Variants in AP2B1 observed in about 807,000 individuals in gnomAD.
AP2B1 encodes the protein adaptor related protein complex 2 subunit beta 1, also known as AP-2 complex subunit beta.
AP2B1 carries 23 observed loss-of-function variants against 102.0 expected under a neutral mutation model. The observed-to-expected ratio is 0.23, with a 90% CI of 0.16 to 0.32. The LOEUF (loss-of-function observed/expected upper bound fraction) is 0.32, where lower values mean the gene tolerates loss of function less well. Among genes scored for constraint, AP2B1 ranks in the 10% least tolerant of loss-of-function variants. AP2B1 has a pLI of 1.00. For synonymous variants in AP2B1, 381 were observed against 421.2 expected (o/e 0.90, Z 1.17); for missense variants, 541 against 1,157.4 (o/e 0.47, Z 7.73).
At chr17:35,604,332 C>T (rs2073590566) in intron 3 of AP2B1, among the ~76,000 whole-genome samples, 2 of 152,106 alleles carry the variant, frequency 1.3e-5, no homozygotes, top group Non-Finnish European at 2.9e-5. Context: ...TGGTCTCACA[C>T]TCCTAGGCTC....
rs2075556213 is a variant in AP2B1 at position 35,670,147 on chromosome 17, C to T, written c.1990-710C>T. On this transcript the variant is annotated intron_variant, in intron 14 of 21. Transcript: ENST00000610402. ...GTTAGTCTGATTCTCTAATGCGTAA[C>T]ATCCTTTTTAAATGATCTCCAAATA... Among the ~76,000 whole-genome samples, 6 of 152,308 alleles carry T rather than the reference C, an allele frequency of 3.9e-5. No individual in the cohort carries two copies. In the South Asian group the frequency reaches 1.2e-3, roughly 32 times the overall value.
chr17:35,594,114 T>C (rs1363471122), intron 2 of AP2B1, 47 bp downstream of exon 2: 4 of 1,366,790 alleles, frequency 2.9e-6, no homozygotes. Flanking sequence ...TCAAAAGTTG[T>C]AGTGTAAGAT....
chr17:35,621,131 A>T (rs2074164295), intron 5 of AP2B1: 1 of 171,752 alleles, frequency 5.8e-6, no homozygotes, highest in South Asian at 1.9e-4. Flanking sequence ...TATTATTTTA[A>T]AAGTTTATTT....
At chr17:35,646,765 C>G (rs1284768563) in intron 12 of AP2B1, among the ~76,000 whole-genome samples, 1 of 151,310 alleles carries the variant, frequency 6.6e-6, no homozygotes, top group Non-Finnish European at 1.5e-5. Flanking sequence ...ATTTTTGTAC[C>G]CTTTGTAGAG....
chr17:35,628,199 A>G (rs370510662), intron 9 of AP2B1, among the ~76,000 whole-genome samples: 2 of 152,254 alleles, frequency 1.3e-5, no homozygotes, highest in Admixed American at 6.5e-5. Flanking sequence ...TGCAAATACT[A>G]TACCATTTTA....
intron 1 of AP2B1, among the ~76,000 whole-genome samples, chr17:35,589,635 C>T (rs896496188): frequency 6.6e-6 from 1 of 152,324 alleles, no homozygotes; most frequent in Admixed American, 6.5e-5. Context: ...ACATCACACT[C>T]TGGTCGAGGG....
At chr17:35,634,219 A>G (rs189734558) in intron 9 of AP2B1, among the ~76,000 whole-genome samples, 1 of 152,338 alleles carries the variant, frequency 6.6e-6, no homozygotes, top group Admixed American at 6.5e-5. Context: ...CCAGGTATTG[A>G]AGAAACTAGG....
intron 13 of AP2B1, 113 bp downstream of exon 13, chr17:35,650,902 A>AT: frequency 7.9e-7 from 1 of 1,263,210 alleles, no homozygotes; most frequent in Admixed American, 2.3e-5. Flanking sequence ...TTGCTTCTTT[A>AT]TGCTTTTATA....
chr17:35,632,946 T>C (rs1018794312), intron 9 of AP2B1, among the ~76,000 whole-genome samples: 1 of 151,802 alleles, frequency 6.6e-6, no homozygotes, highest in Non-Finnish European at 1.5e-5. Flanking sequence ...TATTAATAAA[T>C]ATAGCATATT....
chr17:35,652,142 A>G (rs1029521710), intron 13 of AP2B1, among the ~76,000 whole-genome samples: 8 of 152,244 alleles, frequency 5.3e-5, no homozygotes, highest in Non-Finnish European at 1.0e-4. Flanking sequence ...TATCTGATTA[A>G]TAGCCTTTAA....
At chr17:35,689,563 G>A (rs1403383322) in intron 18 of AP2B1, among the ~76,000 whole-genome samples, 3 of 152,042 alleles carry the variant, frequency 2.0e-5, no homozygotes, top group East Asian at 3.8e-4. Context: ...ATCACATATC[G>A]AATCAATGTT....
chr17:35,667,933 ATTTTTT>A (rs34486349), intron 14 of AP2B1, among the ~76,000 whole-genome samples: 1 of 120,176 alleles, frequency 8.3e-6, no homozygotes, highest in Non-Finnish European at 1.7e-5. Flanking sequence ...CGCTGCTCAA[ATTTTTT>A]TTTTTTTTTT....
At chr17:35,603,563 AT>A (rs1388663062) in intron 3 of AP2B1, among the ~76,000 whole-genome samples, 1 of 152,240 alleles carries the variant, frequency 6.6e-6, no homozygotes, top group Non-Finnish European at 1.5e-5. Flanking sequence ...TGTTAAAAAA[AT>A]AATTTCACTA....
rs1287251387 is a variant in AP2B1, at chr17:35,715,268, G to A, written c.2627-1927G>A. Among the ~76,000 whole-genome samples the A allele has an allele frequency of 2.0e-5, 3 of 152,200 alleles. No homozygotes were observed. In the East Asian group the frequency reaches 5.8e-4, roughly 29 times the overall value. ...CTTGCTTATTCTTCCTGGCTGTTTG[G>A]CATGTTTTCTAATTCTAGAAGAGTG... On this transcript the variant is annotated intron_variant, in intron 20 of 21. Coordinates refer to ENST00000610402, the MANE Select transcript of AP2B1 (RefSeq NM_001030006.2).
intron 2 of AP2B1, among the ~76,000 whole-genome samples, chr17:35,596,301 A>G (rs1334617069): frequency 6.6e-6 from 1 of 152,216 alleles, no homozygotes; most frequent in Non-Finnish European, 1.5e-5. Flanking sequence ...GACATGGTGA[A>G]GAGTCCTATG....
chr17:35,696,980 A>G (rs1418019943), intron 18 of AP2B1, among the ~76,000 whole-genome samples: 1 of 152,218 alleles, frequency 6.6e-6, no homozygotes, highest in East Asian at 1.9e-4. Context: ...TTAGGAAAGT[A>G]TTAACCAGCA....
intron 9 of AP2B1, among the ~76,000 whole-genome samples, chr17:35,636,115 T>C (rs1002554280): frequency 6.6e-6 from 1 of 152,200 alleles, no homozygotes; most frequent in Non-Finnish European, 1.5e-5. Flanking sequence ...TCCTTTTGTT[T>C]GTATTCAAAG....
intron 5 of AP2B1, among the ~76,000 whole-genome samples, chr17:35,618,213 A>G (rs143701062): frequency 4.8e-4 from 73 of 152,368 alleles, no homozygotes; most frequent in African/African-American, 1.7e-3. Context: ...TAAGGAGATA[A>G]TAATGACTGA....
intron 18 of AP2B1, among the ~76,000 whole-genome samples, chr17:35,697,701 G>A (rs587666693): frequency 6.6e-6 from 1 of 152,356 alleles, no homozygotes; most frequent in Admixed American, 6.5e-5. Context: ...GGTGGCTCAC[G>A]CCTGTAATCC....
Sources: allele counts gnomAD v4.1 joint callset (sites outside exome capture counted in the v4.1 genomes callset), GRCh38; gene constraint gnomAD v4.1.1; transcripts MANE v1.5; gene names NCBI Gene and HGNC (gene_info 2026-07-23, HGNC 2026-07-21).